MLLT3: variants seen among roughly 807,000 people sequenced by gnomAD.
MLLT3 encodes the protein MLLT3 super elongation complex subunit.
Under a neutral mutation model 53.2 loss-of-function variants are expected in MLLT3, and 4 were observed. The ratio of observed to expected loss-of-function variants is 0.08; its 90% CI spans 0.04 to 0.17. The LOEUF (loss-of-function observed/expected upper bound fraction) is 0.17, where lower values mean the gene tolerates loss of function less well. Ranked by LOEUF, MLLT3 falls within the 10% of genes least tolerant of loss-of-function variation. MLLT3 has a pLI of 1.00. For missense variants in MLLT3, 569 were observed against 684.0 expected (o/e 0.83, Z 1.87); for synonymous variants, 283 against 230.6 (o/e 1.23, Z -2.06).
chr9:20,559,571 T>C (rs1819148401), intron 2 of MLLT3, among the ~76,000 whole-genome samples: 2 of 152,332 alleles, frequency 1.3e-5, no homozygotes, highest in African/African-American at 2.4e-5. Flanking sequence ...CCAATGCCTT[T>C]TGCAGGGGTA....
At chr9:20,481,242 T>C (rs1351342720) in intron 2 of MLLT3, among the ~76,000 whole-genome samples, 1 of 152,212 alleles carries the variant, frequency 6.6e-6, no homozygotes, top group African/African-American at 2.4e-5. Context: ...TGGACTCACA[T>C]ATTACATGCA....
At chr9:20,470,065 C>T (rs926012349) in intron 2 of MLLT3, among the ~76,000 whole-genome samples, 1 of 151,780 alleles carries the variant, frequency 6.6e-6, no homozygotes, top group African/African-American at 2.4e-5. Flanking sequence ...AAGAAAAAAA[C>T]AGCAATTTGT....
intron 2 of MLLT3, among the ~76,000 whole-genome samples, chr9:20,489,208 G>C (rs1260219575): frequency 1.3e-5 from 2 of 152,192 alleles, no homozygotes; most frequent in African/African-American, 4.8e-5. Flanking sequence ...CAATGGAATA[G>C]AAAGAATATT....
intron 2 of MLLT3, among the ~76,000 whole-genome samples, chr9:20,560,397 C>T (rs950141276): frequency 5.3e-5 from 8 of 152,084 alleles, no homozygotes; most frequent in Non-Finnish European, 1.2e-4. Context: ...ACTAAATAAG[C>T]ATGATTTATA....
intron 2 of MLLT3, among the ~76,000 whole-genome samples, chr9:20,515,613 T>G (rs1402445739): frequency 6.6e-6 from 1 of 152,160 alleles, no homozygotes; most frequent in Non-Finnish European, 1.5e-5. Flanking sequence ...TTGTTTTTTG[T>G]TTTGTTTTTT....
At chr9:20,384,568 A>C (rs913795133) in intron 5 of MLLT3, among the ~76,000 whole-genome samples, 5 of 152,086 alleles carry the variant, frequency 3.3e-5, no homozygotes, top group Non-Finnish European at 5.9e-5. Context: ...TGTACCTATC[A>C]TTAAAATTTA....
chr9:20,352,840 A>G (rs1821066078), intron 10 of MLLT3, among the ~76,000 whole-genome samples: 1 of 152,066 alleles, frequency 6.6e-6, no homozygotes, highest in South Asian at 2.1e-4. Context: ...CTGCCCTGGA[A>G]TTTAGAACAC....
chr9:20,566,520 ATACT>A (rs1819381870), intron 2 of MLLT3, among the ~76,000 whole-genome samples: 1 of 152,114 alleles, frequency 6.6e-6, no homozygotes, highest in Admixed American at 6.6e-5. Flanking sequence ...CCTGATTTAT[ATACT>A]TAAACACGTA....
At chr9:20,373,993 T>TA (rs60787106) in intron 5 of MLLT3, among the ~76,000 whole-genome samples, 23,511 of 145,452 alleles carry the variant, frequency 0.16, 4,283 homozygotes, top group African/African-American at 0.44. Context: ...TTGCTTAACA[T>TA]AAAAAAAAAA....
chr9:20,566,917 A>C (rs1212654760), intron 2 of MLLT3, among the ~76,000 whole-genome samples: 1 of 152,022 alleles, frequency 6.6e-6, no homozygotes, highest in Non-Finnish European at 1.5e-5. Context: ...AATAATAATA[A>C]TACTCAAAGC....
At chr9:20,503,266 G>T (rs938424262) in intron 2 of MLLT3, among the ~76,000 whole-genome samples, 1 of 152,132 alleles carries the variant, frequency 6.6e-6, no homozygotes, top group Non-Finnish European at 1.5e-5. Flanking sequence ...AACAAAGCTA[G>T]AGGCATCACA....
In MLLT3 at chr9:20,596,235, A is replaced by C. The variant is rs145817883; in HGVS notation, c.193+24419T>G. On this transcript the variant is annotated intron_variant, in intron 2 of 10. Transcript: ENST00000380338. ...ACTACAAAAAATAAATGCTGAATAAAAGCTTGCGGAATTAAATTTATAAAG... is the reference window on the plus strand; with the variant it reads ...ACTACAAAAAATAAATGCTGAATAACAGCTTGCGGAATTAAATTTATAAAG... Among the ~76,000 whole-genome samples, 525 of 152,356 alleles carry C rather than the reference A, an allele frequency of 3.4e-3. 4 individuals carry two copies. The highest frequency in any genetic ancestry group is 0.012 in the African/African-American group (505 of 41,580).
intron 2 of MLLT3, among the ~76,000 whole-genome samples, chr9:20,494,924 T>C (rs769803247): frequency 6.6e-6 from 1 of 152,174 alleles, no homozygotes; most frequent in Non-Finnish European, 1.5e-5. Flanking sequence ...TATACATATA[T>C]GCAAGATGAT....
intron 5 of MLLT3, among the ~76,000 whole-genome samples, chr9:20,367,093 G>A (rs758372431): frequency 6.6e-5 from 10 of 152,098 alleles, no homozygotes; most frequent in South Asian, 2.1e-4. Flanking sequence ...GGAAAATGTC[G>A]CCATTGTTTT....
intron 10 of MLLT3, among the ~76,000 whole-genome samples, chr9:20,350,361 C>T (rs931898743): frequency 3.9e-5 from 6 of 152,052 alleles, no homozygotes; most frequent in Non-Finnish European, 7.4e-5. Context: ...TTTGGGAGGC[C>T]AAGGCGGGCG....
At chr9:20,493,046 T>C (rs1042119908) in intron 2 of MLLT3, among the ~76,000 whole-genome samples, 6 of 151,906 alleles carry the variant, frequency 3.9e-5, no homozygotes, top group African/African-American at 1.4e-4. Flanking sequence ...ACTATAGGTA[T>C]TATTCCCATT....
intron 2 of MLLT3, among the ~76,000 whole-genome samples, chr9:20,467,295 T>C (rs7043548): frequency 0.36 from 54,058 of 151,952 alleles, 10,625 homozygotes; most frequent in African/African-American, 0.54. Flanking sequence ...TTTTAAAAGT[T>C]CAGGCCAGGC....
At position 20,388,448 on chromosome 9, in the gene MLLT3, C is replaced by T. The variant is rs150348385; in HGVS notation, c.1126-22704G>A. 4.3e-3 allele frequency among the ~76,000 whole-genome samples: 657 copies of T among 151,976 alleles called. 5 individuals are homozygous for T. The highest frequency in any genetic ancestry group is 0.015 in the African/African-American group (618 of 41,446). ...CTAAAAATACCAAAAATTAGACAGG[C>T]GTGGTGGTGGGCGCCTATAGTCCCA... On this transcript the variant is annotated intron_variant, in intron 5 of 10. Coordinates refer to ENST00000380338, the MANE Select transcript of MLLT3 (RefSeq NM_004529.4).
At chr9:20,549,982 G>A (rs1253664971) in intron 2 of MLLT3, among the ~76,000 whole-genome samples, 4 of 152,134 alleles carry the variant, frequency 2.6e-5, no homozygotes, top group African/African-American at 4.8e-5. Flanking sequence ...GATCTCAACA[G>A]AAATCTTGTG....
Sources: allele counts gnomAD v4.1 joint callset (sites outside exome capture counted in the v4.1 genomes callset), GRCh38; gene constraint gnomAD v4.1.1; transcripts MANE v1.5; gene names NCBI Gene and HGNC (gene_info 2026-07-23, HGNC 2026-07-21).